The following FBRSL1 variants were observed in gnomAD, a reference collection of about 807,000 sequenced individuals.
FBRSL1 encodes the protein fibrosin-1-like protein.
FBRSL1 carries 51 observed loss-of-function variants against 89.6 expected under a neutral mutation model. That is an observed-to-expected ratio of 0.57 (90% CI 0.45 to 0.72). The LOEUF (loss-of-function observed/expected upper bound fraction) is 0.72, where lower values mean the gene tolerates loss of function less well. Ranked by LOEUF, FBRSL1 falls within the 30% of genes least tolerant of loss-of-function variation. FBRSL1 has a pLI of 0.00. For synonymous variants in FBRSL1, 779 were observed against 681.1 expected, an observed-to-expected ratio of 1.14 and a Z score of -2.24; for missense variants, 1,618 against 1,451.8, an observed-to-expected ratio of 1.11 and a Z score of -1.86.
chr12:132,570,451 T>A lies in FBRSL1; in HGVS notation c.1124T>A (p.Leu375His). 2.0e-6 allele frequency: 3 copies of A among 1,533,754 alleles called. No homozygotes were observed. Among genetic ancestry groups the A allele is most frequent in the Non-Finnish European group, 2.6e-6 (3 of 1,145,480 alleles). Residue 375 changes from leucine to histidine, a missense_variant, in exon 8 of 19, where the codon CTC becomes CAC. Leu to His is a moderately conservative substitution (Grantham distance 99, BLOSUM62 -3). Coordinates refer to ENST00000680143, the MANE Select transcript of FBRSL1 (RefSeq NM_001367871.1). ...LALRSQAQHQ[L>H]HAAMFAAPPT... ...CTCCGGTCCCAGGCGCAGCACCAGC[T>A]CCACGCGGCCATGTTTGCCGCACCC...
chr12:132,491,200 A>G (rs991006106), intron 1 of FBRSL1, among the ~76,000 whole-genome samples: 11 of 152,212 alleles, frequency 7.2e-5, no homozygotes, highest in Non-Finnish European at 1.5e-4. Context: ...TGCCTGGTTC[A>G]GGACGTGCTA....
intron 2 of FBRSL1, among the ~76,000 whole-genome samples, chr12:132,513,985 C>T (rs2034603536): frequency 6.6e-6 from 1 of 152,184 alleles, no homozygotes; most frequent in African/African-American, 2.4e-5. Context: ...CTCTCTGGAC[C>T]CCTCACTGCA....
chr12:132,560,969 A>G (rs1420457827), intron 5 of FBRSL1, among the ~76,000 whole-genome samples: 1 of 152,164 alleles, frequency 6.6e-6, no homozygotes, highest in South Asian at 2.1e-4. Context: ...CTAGAAGGGA[A>G]AGAGCTGAGG....
chr12:132,580,923 A>G (rs2040702660), intron 15 of FBRSL1: 1 of 985,450 alleles, frequency 1.0e-6, no homozygotes, highest in Non-Finnish European at 1.2e-6. Flanking sequence ...TTGGGGGGCC[A>G]GGGCTGATGT....
At position 132,578,927 on chromosome 12, in the gene FBRSL1, G is replaced by C. The variant is rs11146951; in HGVS notation, c.1834+1996G>C. 0.012 allele frequency among the ~76,000 whole-genome samples: 1,869 copies of C among 152,362 alleles called. 57 individuals are homozygous for C. In the East Asian group the frequency reaches 0.14, roughly 11 times the overall value. On this transcript the variant is annotated intron_variant, in intron 15 of 18. Coordinates refer to ENST00000680143, the MANE Select transcript of FBRSL1 (RefSeq NM_001367871.1). ...AGTAGTCTGGCTTTCTCAGAAAGCA[G>C]AAGTCCAGGCTGCAGTTTCTGGCTG...
Position 132,490,844 on chromosome 12 carries a change from A to ACCCTGGAGG in FBRSL1, c.284_291+1dup, listed in dbSNP as rs2030743239. On this transcript the variant is annotated inframe_insertion, in exon 1 of 19. Coordinates refer to ENST00000680143, the MANE Select transcript of FBRSL1 (RefSeq NM_001367871.1). ...CGGCTTCGCCATCGCCAGCTTCAGCACCCTGGAGGCCCTGGAGGTAGGTGG... is the reference window on the plus strand; with the variant it reads ...CGGCTTCGCCATCGCCAGCTTCAGCACCCTGGAGGCCCTGGAGGCCCTGGAGGTAGGTGG... 1 of 1,416,478 alleles carries ACCCTGGAGG rather than the reference A, an allele frequency of 7.1e-7. No individual in the cohort carries two copies. Among genetic ancestry groups the ACCCTGGAGG allele is most frequent in the East Asian group, 3.1e-5 (1 of 31,922 alleles). 87.7% of individuals were successfully genotyped at this position (1,416,478 alleles called of 1,614,324 possible). A position where few individuals can be genotyped will look rare whatever the true frequency, so the allele number is the denominator to read the frequency against.
chr12:132,503,468 G>C (rs1260481896), intron 1 of FBRSL1, among the ~76,000 whole-genome samples: 1 of 152,268 alleles, frequency 6.6e-6, no homozygotes, highest in Non-Finnish European at 1.5e-5. Flanking sequence ...CCTGGGCGGG[G>C]GGAGATGTGG....
chr12:132,582,198 C>G lies in FBRSL1; in HGVS notation c.2133C>G (p.Asp711Glu). The change falls in exon 18 of 19, where the codon GAC becomes GAG. Residue 711 changes from aspartate to glutamate, a missense_variant. By Grantham distance (45) the Asp-to-Glu change is conservative. Transcript: ENST00000680143. ...PAPPPWPKSV[D>E]AERVSALTNH... The stretch of plus-strand genomic sequence containing the variant: ...CGCCCCCGTGGCCCAAGTCCGTGGA[C>G]GCGGAGCGGGTGTCAGCCCTGACCA... 2 of 1,550,074 alleles carry G rather than the reference C, an allele frequency of 1.3e-6. No individual in the cohort carries two copies. Among genetic ancestry groups the G allele is most frequent in the South Asian group, 1.2e-5 (1 of 84,058 alleles).
intron 2 of FBRSL1, chr12:132,510,452 G>A (rs2034206214): frequency 2.4e-6 from 3 of 1,232,096 alleles, no homozygotes; most frequent in Non-Finnish European, 3.0e-6. Flanking sequence ...CCTGATGCCT[G>A]CAGGCACCTC....
Position 132,583,287 on chromosome 12 carries a change from C to T in FBRSL1, c.2518C>T (p.Leu840=), listed in dbSNP as rs1261728991. 18 of 1,150,176 alleles carry T rather than the reference C, an allele frequency of 1.6e-5. No homozygotes were observed. Among genetic ancestry groups the T allele is most frequent in the Non-Finnish European group, 2.0e-5 (18 of 907,788 alleles). The allele number at this position is 1,150,176 out of a possible 1,614,324, so 71.2% of individuals were successfully genotyped here. A position where few individuals can be genotyped will look rare whatever the true frequency, so the allele number is the denominator to read the frequency against. Residue 840 remains leucine, a synonymous_variant, in exon 19 of 19, where the codon CTG becomes TTG. Transcript: ENST00000680143. ...GCACCCCGCGCCCCTGCAGCTCGGC[C>T]TGGGCCGCGAGCGCCTGGGCGCGCC... is the stretch of plus-strand genomic sequence containing the variant. The part of the protein sequence containing the change: ...GLHPAPLQLG[L]GRERLGAPGF...
chr12:132,575,302 A>C (rs916754307), intron 14 of FBRSL1, among the ~76,000 whole-genome samples: 1 of 152,096 alleles, frequency 6.6e-6, no homozygotes, highest in Non-Finnish European at 1.5e-5. Flanking sequence ...ATCTCGGCTC[A>C]CTGCAAGCTC....
Position 132,572,042 on chromosome 12 carries a change from G to C in FBRSL1, c.1378-246G>C, listed in dbSNP as rs535012023. ...CCTCAGCCAGGCACACAGACTGCCT[G>C]GGGGGGCCGAGTTCCCACCCCATGC... On this transcript the variant is annotated intron_variant, in intron 9 of 18. Transcript: ENST00000680143. 573 of 561,378 alleles carry C rather than the reference G, an allele frequency of 1.0e-3. 5 individuals are homozygous for C. Among genetic ancestry groups the C allele is most frequent in the South Asian group, 9.3e-3 (415 of 44,526 alleles). The allele number at this position is 561,378 out of a possible 1,614,324, so 34.8% of individuals were successfully genotyped here.
chr12:132,534,885 G>A (rs1207577397), intron 4 of FBRSL1, among the ~76,000 whole-genome samples: 1 of 152,236 alleles, frequency 6.6e-6, no homozygotes, highest in Non-Finnish European at 1.5e-5. Context: ...GCCTGGAGGG[G>A]CCTCATGAGT....
In FBRSL1 at chr12:132,584,212, G is replaced by A. The variant is rs922847770; in HGVS notation, c.*434G>A. The A allele has an allele frequency of 2.0e-5, 3 of 152,222 alleles. No individual in the cohort carries two copies. 9.4% of individuals were successfully genotyped at this position (152,222 alleles called of 1,614,324 possible). On this transcript the variant is annotated 3_prime_UTR_variant, in exon 19 of 19. Transcript: ENST00000680143. ...CCGGTCACTTTGTCCAGCGCACTGTGAGGCCCCCACTCAGGCCAGCCCTGG... is the reference window on the plus strand; with the variant it reads ...CCGGTCACTTTGTCCAGCGCACTGTAAGGCCCCCACTCAGGCCAGCCCTGG...
chr12:132,547,156 C>T (rs1311904566), intron 4 of FBRSL1, among the ~76,000 whole-genome samples: 20 of 151,808 alleles, frequency 1.3e-4, no homozygotes, highest in Admixed American at 9.2e-4. Context: ...AAACGGAGAA[C>T]GGACAGTCAG....
In FBRSL1 at chr12:132,490,669, G is replaced by T; in HGVS notation, c.99G>T (p.Ser33=). ...AARDARAQSP[S]SGDEPEPSPG... ...GCGACGCCCGCGCCCAGAGTCCGTC[G>T]TCGGGCGACGAGCCCGAGCCCAGCC... The change falls in exon 1 of 19, where the codon TCG becomes TCT. Residue 33 remains serine, a synonymous_variant. Coordinates refer to ENST00000680143, the MANE Select transcript of FBRSL1 (RefSeq NM_001367871.1). The T allele has an allele frequency of 1.0e-6, 1 of 998,178 alleles. No individual in the cohort carries two copies. The highest frequency in any genetic ancestry group is 1.2e-6 in the Non-Finnish European group (1 of 835,220). 61.8% of individuals were successfully genotyped at this position (998,178 alleles called of 1,614,324 possible). A position where few individuals can be genotyped will look rare whatever the true frequency, so the allele number is the denominator to read the frequency against.
chr12:132,543,652 C>CATGTCT (rs56865875), intron 4 of FBRSL1, among the ~76,000 whole-genome samples: 69,733 of 151,882 alleles, frequency 0.46, 16,610 homozygotes, highest in African/African-American at 0.55. Flanking sequence ...CTCTAAAAGC[C>CATGTCT]ATGTCTCAAG....
At position 132,491,014 on chromosome 12, in the gene FBRSL1, C is replaced by T. The variant is rs1030533661; in HGVS notation, c.291+153C>T. 2.6e-5 allele frequency among the ~76,000 whole-genome samples: 4 copies of T among 152,334 alleles called. No individual in the cohort carries two copies. The East Asian group carries it at 7.7e-4, about 29-fold the overall frequency. On this transcript the variant is annotated intron_variant, in intron 1 of 18. Coordinates refer to ENST00000680143, the MANE Select transcript of FBRSL1 (RefSeq NM_001367871.1). ...GGCCACTTGGTACCCGTTCCAGGGA[C>T]CCTGGGTGCCCACCGCTCGCCCAGA...
chr12:132,569,216 T>C (rs1309843712), intron 6 of FBRSL1, among the ~76,000 whole-genome samples: 34 of 73,082 alleles, frequency 4.7e-4, no homozygotes, highest in Admixed American at 4.5e-3. Context: ...TGTGCGGGGG[T>C]GGGGGGGGCA....
Sources: gnomAD v4.1 joint callset for allele counts (sites outside exome capture counted in the v4.1 genomes callset) on GRCh38, gnomAD v4.1.1 for gene constraint, MANE v1.5 for transcripts, NCBI Gene and HGNC (gene_info 2026-07-23, HGNC 2026-07-21) for gene names.